Variants in ZNF142 observed in about 807,000 individuals in gnomAD.
ZNF142 encodes zinc finger protein 142 (clone pHZ-49).
Under a neutral mutation model 132.1 loss-of-function variants are expected in ZNF142, and 96 were observed. The observed-to-expected ratio is 0.73, with a 90% CI of 0.62 to 0.86. ZNF142 has a LOEUF of 0.86. ZNF142 is among the 40% of genes least tolerant of loss of function. The probability of loss-of-function intolerance (pLI) is 0.00; values close to 1 mark genes in which losing one functional copy is unlikely to be tolerated. For missense variants in ZNF142, 2,163 were observed against 2,336.2 expected (o/e 0.93, Z 1.53); for synonymous variants, 842 against 890.1 (o/e 0.95, Z 0.96).
In ZNF142 at chr2:218,636,512, C is replaced by T; in HGVS notation, c.*1827G>A. On this transcript the variant is annotated 3_prime_UTR_variant, in exon 11 of 11. Transcript: ENST00000411696. ...CCTGCTGTCCAAAGATGGCATCAGC[C>T]TCCGCCCAGCTTCCATCTTTGTGTA... 1 of 1,613,974 alleles carries T rather than the reference C, an allele frequency of 6.2e-7. No individual in the cohort carries two copies. The highest frequency in any genetic ancestry group is 8.5e-7 in the Non-Finnish European group (1 of 1,179,888).
rs778421735 is a variant in ZNF142, at chr2:218,656,145, T to C, written c.280+5A>G. 6.4e-7 allele frequency: 1 copy of C among 1,551,988 alleles called. No individual in the cohort carries two copies. Among genetic ancestry groups the C allele is most frequent in the Non-Finnish European group, 8.7e-7 (1 of 1,144,218 alleles). On this transcript the variant is annotated splice_donor_5th_base_variant and intron_variant, in intron 4 of 10. Transcript: ENST00000411696. ...CCACTGGCCTGCTTGCAACTGTGTTTGTACCTGGGGTCTCTCCAGGAGCAC... is the reference window on the plus strand; with the variant it reads ...CCACTGGCCTGCTTGCAACTGTGTTCGTACCTGGGGTCTCTCCAGGAGCAC...
chr2:218,637,393 T>C lies in ZNF142; in HGVS notation c.*946A>G, dbSNP rs1380558169. Among the ~76,000 whole-genome samples, 2 of 152,220 alleles carry C rather than the reference T, an allele frequency of 1.3e-5. No individual in the cohort carries two copies. The highest frequency in any genetic ancestry group is 4.8e-5 in the African/African-American group (2 of 41,450). ...GTGGTCCCAGCCTTCCTGAAGAGTC[T>C]GGCTGGAACCATCCTGGTTTATGTC... On this transcript the variant is annotated 3_prime_UTR_variant, in exon 11 of 11. Coordinates refer to ENST00000411696, the MANE Select transcript of ZNF142 (RefSeq NM_001379659.1).
intron 7 of ZNF142, among the ~76,000 whole-genome samples, chr2:218,647,437 C>G (rs1697842248): frequency 7.7e-5 from 1 of 12,986 alleles, no homozygotes; most frequent in African/African-American, 1.7e-4. Flanking sequence ...AAAAAAAAAG[C>G]CTCCTCCCCT....
rs766120334 is a variant in ZNF142 at position 218,638,657 on chromosome 2, G to C, written c.5346C>G (p.Thr1782=). ...KAFKTRFLLR[T]HLRKHSEAKP... ...TGGCCTCACTGTGCTTGCGAAGGTG[G>C]GTGCGCAGCAGGAAGCGCGTCTTGA... is the stretch of plus-strand genomic sequence containing the variant. Residue 1782 remains threonine, a synonymous_variant, in exon 11 of 11, where the codon ACC becomes ACG. Transcript: ENST00000411696. 1 of 1,614,228 alleles carries C rather than the reference G, an allele frequency of 6.2e-7. No homozygotes were observed. Among genetic ancestry groups the C allele is most frequent in the Admixed American group, 1.7e-5 (1 of 60,036 alleles).
chr2:218,658,448 G>A (rs1938834289), intron 3 of ZNF142, among the ~76,000 whole-genome samples: 1 of 152,146 alleles, frequency 6.6e-6, no homozygotes, highest in Non-Finnish European at 1.5e-5. Context: ...GGCTGAGGCA[G>A]GAGAATCGCT....
At position 218,636,665 on chromosome 2, in the gene ZNF142, G is replaced by A. The variant is rs1696776176; in HGVS notation, c.*1674C>T. 1 of 1,384,228 alleles carries A rather than the reference G, an allele frequency of 7.2e-7. No homozygotes were observed. The highest frequency in any genetic ancestry group is 1.0e-6 in the Non-Finnish European group (1 of 997,608). The allele number at this position is 1,384,228 out of a possible 1,614,324, so 85.7% of individuals were successfully genotyped here. On this transcript the variant is annotated 3_prime_UTR_variant, in exon 11 of 11. Transcript: ENST00000411696. ...ATGCTCGAGAGAACAAATGGAGGTG[G>A]TGAAAATCAAGCTTTGGATTGTGCA...
chr2:218,655,488 T>G (rs554319421), intron 4 of ZNF142, among the ~76,000 whole-genome samples: 36 of 152,304 alleles, frequency 2.4e-4, no homozygotes, highest in Non-Finnish European at 4.3e-4. Flanking sequence ...TTGTTTTGTT[T>G]TTTTAAAGAG....
At position 218,637,021 on chromosome 2, in the gene ZNF142, A is replaced by C; in HGVS notation, c.*1318T>G. On this transcript the variant is annotated 3_prime_UTR_variant, in exon 11 of 11. Transcript: ENST00000411696. ...AAAGCCCAAAGCCAAGGGAAGGATAAATCAAGGCTCAAGGCTTCCCCAGCA... is the reference window on the plus strand; with the variant it reads ...AAAGCCCAAAGCCAAGGGAAGGATACATCAAGGCTCAAGGCTTCCCCAGCA... 1 of 425,932 alleles carries C rather than the reference A, an allele frequency of 2.3e-6. No individual in the cohort carries two copies. Among genetic ancestry groups the C allele is most frequent in the Non-Finnish European group, 4.7e-6 (1 of 214,022 alleles). 26.4% of individuals were successfully genotyped at this position (425,932 alleles called of 1,614,324 possible).
Position 218,646,352 on chromosome 2 carries a change from A to T in ZNF142, c.1874-4T>A, listed in dbSNP as rs750802788. 2.5e-6 allele frequency: 4 copies of T among 1,612,704 alleles called. No homozygotes were observed. In the Admixed American group the frequency reaches 6.7e-5, roughly 27 times the overall value. On this transcript the variant is annotated splice_polypyrimidine_tract_variant and splice_region_variant and intron_variant, in intron 7 of 10. Transcript: ENST00000411696. ...TCACACTTGTGGGGCTTCTCACCTT[A>T]TATGGGGGATGCGGATGAAGGGAGA...
At position 218,640,061 on chromosome 2, in the gene ZNF142, C is replaced by CAAAAAAAA. The variant is rs35136548; in HGVS notation, c.5194+595_5194+602dup. Among the ~76,000 whole-genome samples, 200 of 44,326 alleles carry CAAAAAAAA rather than the reference C, an allele frequency of 4.5e-3. 22 individuals are homozygous for CAAAAAAAA. Among genetic ancestry groups the CAAAAAAAA allele is most frequent in the African/African-American group, 0.019 (183 of 9,890 alleles). 29.1% of individuals were successfully genotyped at this position (44,326 alleles called of 152,430 possible). ...TGGGCAACAGAGCGAGACTCTGTCT[C>CAAAAAAAA]AAAAAAAAAAAAAAAAAAAAAAAAA... On this transcript the variant is annotated intron_variant, in intron 10 of 10. Coordinates refer to ENST00000411696, the MANE Select transcript of ZNF142 (RefSeq NM_001379659.1).
rs750009625 is a variant in ZNF142 at position 218,649,155 on chromosome 2, G to T, written c.1353C>A (p.Asp451Glu). 1.9e-6 allele frequency: 3 copies of T among 1,614,200 alleles called. No homozygotes were observed. The highest frequency in any genetic ancestry group is 2.2e-5 in the South Asian group (2 of 91,090). The change falls in exon 7 of 11, where the codon GAC (aspartate) becomes GAA (glutamate). Residue 451 changes from aspartate to glutamate, a missense_variant. By Grantham distance (45) the Asp-to-Glu change is conservative (BLOSUM62 2). Transcript: ENST00000411696. ...MHEDISNFYS[D>E]TYACPVCREE... is the part of the protein sequence containing the mutation. Reference sequence around the variant, plus strand: ...CACGGCAGACAGGACAGGCATAGGTGTCTGAGTAGAAGTTGGAAATATCTT... The same window carrying T: ...CACGGCAGACAGGACAGGCATAGGTTTCTGAGTAGAAGTTGGAAATATCTT...
chr2:218,653,782 G>A (rs1189176904), intron 4 of ZNF142, among the ~76,000 whole-genome samples: 2 of 152,010 alleles, frequency 1.3e-5, no homozygotes, highest in Non-Finnish European at 2.9e-5. Context: ...GTTTTTTCCA[G>A]AGCATGAACA....
intron 8 of ZNF142, 121 bp downstream of exon 8, chr2:218,646,050 G>T: frequency 1.5e-6 from 2 of 1,372,002 alleles, no homozygotes; most frequent in Non-Finnish European, 2.0e-6. Flanking sequence ...ATTGCACCCG[G>T]CCTTAGGAGG....
At chr2:218,646,372 G>C in intron 7 of ZNF142, 24 bp from the exon 8 acceptor site, 2 of 1,612,502 alleles carry the variant, frequency 1.2e-6, no homozygotes, top group Non-Finnish European at 1.7e-6. Flanking sequence ...TGCGGATGAA[G>C]GGAGAGAACA....
intron 8 of ZNF142, among the ~76,000 whole-genome samples, chr2:218,645,585 A>T (rs1697661202): frequency 6.6e-6 from 1 of 152,024 alleles, no homozygotes; most frequent in South Asian, 2.1e-4. Flanking sequence ...CCAGGGCCAA[A>T]CTCTGAGAAC....
At chr2:218,646,657 C>T (rs2106231638) in intron 7 of ZNF142, among the ~76,000 whole-genome samples, 1 of 152,266 alleles carries the variant, frequency 6.6e-6, no homozygotes. Context: ...TACCTCAGCT[C>T]ACTGCCAAGC....
intron 5 of ZNF142, 122 bp from the exon 6 acceptor site, chr2:218,650,648 G>A: frequency 2.1e-6 from 2 of 973,072 alleles, no homozygotes; most frequent in South Asian, 2.0e-5. Context: ...GGAGATCTTG[G>A]GTTTTATGTA....
At chr2:218,645,346 C>T (rs1189900928) in intron 8 of ZNF142, among the ~76,000 whole-genome samples, 2 of 152,200 alleles carry the variant, frequency 1.3e-5, no homozygotes, top group Non-Finnish European at 2.9e-5. Flanking sequence ...CTATTCTGTA[C>T]TGCCTTCCTA....
rs895074441 is a variant in ZNF142, at chr2:218,649,345, T to G, written c.1163A>C (p.Asp388Ala). The change falls in exon 7 of 11, where the codon GAC becomes GCC. Residue 388 changes from aspartate to alanine, a missense_variant. This residue lies in a region of ZNF142 where 749 missense variants were observed against 830.3 expected (regional missense o/e 0.90). Transcript: ENST00000411696. ...GCAGTTAGGGCACTGGAGGCTGGGG[T>G]CTGGGAAGTGGAGATGCAGGTGCTC... The part of the protein sequence containing the change: ...LVEHLHLHFP[D>A]PSLQCPNCQK... 6.2e-7 allele frequency: 1 copy of G among 1,614,130 alleles called. No homozygotes were observed. Among genetic ancestry groups the G allele is most frequent in the South Asian group, 1.1e-5 (1 of 91,080 alleles).
Sources: gnomAD v4.1 joint callset for allele counts (sites outside exome capture counted in the v4.1 genomes callset) on GRCh38, gnomAD v4.1.1 for gene constraint, gnomAD v4.1.1 regional missense constraint, MANE v1.5 for transcripts, NCBI Gene and HGNC (gene_info 2026-07-23, HGNC 2026-07-21) for gene names.